Variants in SH3BP4 observed in about 807,000 individuals in gnomAD.
The protein encoded by SH3BP4 is SH3 domain binding protein 4, also known as SH3 domain-binding protein 4.
Under a neutral mutation model 65.5 loss-of-function variants are expected in SH3BP4, and 33 were observed. That is an observed-to-expected ratio of 0.50 (90% CI 0.38 to 0.67). The LOEUF (loss-of-function observed/expected upper bound fraction) is 0.67, where lower values mean the gene tolerates loss of function less well. SH3BP4 is among the 30% of genes least tolerant of loss of function. SH3BP4 has a pLI of 0.00. For synonymous variants in SH3BP4, 552 were observed against 545.5 expected, an observed-to-expected ratio of 1.01 and a Z score of -0.17; for missense variants, 1,134 against 1,261.4, an observed-to-expected ratio of 0.90 and a Z score of 1.53.
rs1282337587 is a variant in SH3BP4 at position 235,041,676 on chromosome 2, C to T, written c.907C>T (p.Leu303Phe). ...LARSCHDLDLLGQSPGWGQTQ... is the reference protein window; with the variant it reads ...LARSCHDLDLFGQSPGWGQTQ... ...CCGGTCTTGCCACGACCTGGACTTG[C>T]TTGGCCAAAGCCCTGGTTGGGGCCA... The change falls in exon 4 of 6, where the codon CTT (leucine) becomes TTT (phenylalanine). Residue 303 changes from leucine to phenylalanine, a missense_variant. Coordinates refer to ENST00000392011, the MANE Select transcript of SH3BP4 (RefSeq NM_014521.3). This position sits in a 1 kb window ranked among gnomAD's most constrained non-coding sequence, Gnocchi z 6.0. The T allele has an allele frequency of 6.2e-7, 1 of 1,613,444 alleles. No homozygotes were observed. The highest frequency in any genetic ancestry group is 8.5e-7 in the Non-Finnish European group (1 of 1,179,684).
chr2:234,988,268 C>T (rs555693923), intron 1 of SH3BP4, among the ~76,000 whole-genome samples: 15 of 152,082 alleles, frequency 9.9e-5, no homozygotes, highest in Middle Eastern at 3.2e-3. Context: ...ACCGTGTTAG[C>T]CAGGATAGTC....
At chr2:235,027,830 C>T (rs774562459) in intron 2 of SH3BP4, among the ~76,000 whole-genome samples, 7 of 152,216 alleles carry the variant, frequency 4.6e-5, no homozygotes, top group Non-Finnish European at 8.8e-5. Flanking sequence ...CTAAGACCTT[C>T]TCCGCCCCAG....
At chr2:234,969,056 T>C (rs958525168) in intron 1 of SH3BP4, among the ~76,000 whole-genome samples, 1 of 152,198 alleles carries the variant, frequency 6.6e-6, no homozygotes, top group Non-Finnish European at 1.5e-5. Flanking sequence ...GCGACTTTGC[T>C]GTTAGCTTTA....
At chr2:235,025,572 G>A (rs1184674837) in intron 2 of SH3BP4, among the ~76,000 whole-genome samples, 1 of 152,236 alleles carries the variant, frequency 6.6e-6, no homozygotes, top group Admixed American at 6.5e-5. Flanking sequence ...GTCTGTGGGA[G>A]ACAATCCAAG....
At chr2:235,016,695 G>A (rs1559245276) in intron 2 of SH3BP4, among the ~76,000 whole-genome samples, 1 of 152,126 alleles carries the variant, frequency 6.6e-6, no homozygotes. Flanking sequence ...ATTTTTATTA[G>A]AGATGGGGTT....
At chr2:235,039,187 TTCACAGGA>T (rs530790123) in intron 3 of SH3BP4, among the ~76,000 whole-genome samples, 2 of 152,124 alleles carry the variant, frequency 1.3e-5, no homozygotes, top group Non-Finnish European at 2.9e-5. Flanking sequence ...CTGCTGTAAT[TTCACAGGA>T]GGAGGTAGGT....
intron 1 of SH3BP4, among the ~76,000 whole-genome samples, chr2:234,989,435 A>T (rs1693681159): frequency 6.6e-6 from 1 of 152,118 alleles, no homozygotes; most frequent in South Asian, 2.1e-4. Flanking sequence ...TCTCTTGGCA[A>T]ACACTCCTGG....
At chr2:235,000,627 T>C (rs1694068982) in intron 2 of SH3BP4, among the ~76,000 whole-genome samples, 1 of 152,186 alleles carries the variant, frequency 6.6e-6, no homozygotes, top group African/African-American at 2.4e-5. Flanking sequence ...ATGTCCCCAT[T>C]GCGTAGAGGT....
At chr2:234,979,062 G>A (rs1693268084) in intron 1 of SH3BP4, 1 of 152,296 alleles carries the variant, frequency 6.6e-6, no homozygotes, top group Non-Finnish European at 1.5e-5. Context: ...GTTTCACAGG[G>A]TGCAGAGCCC....
intron 2 of SH3BP4, among the ~76,000 whole-genome samples, chr2:235,018,897 A>C (rs1694766517): frequency 6.6e-6 from 1 of 152,318 alleles, no homozygotes; most frequent in South Asian, 2.1e-4. Flanking sequence ...AAACAGCAAA[A>C]CCCGCTGAGC....
intron 1 of SH3BP4, among the ~76,000 whole-genome samples, chr2:234,994,071 G>T (rs183260935): frequency 1.8e-4 from 27 of 152,306 alleles, no homozygotes; most frequent in Admixed American, 5.2e-4. Flanking sequence ...TAGAAGGTCC[G>T]TGTCTACGTA....
intron 1 of SH3BP4, among the ~76,000 whole-genome samples, chr2:234,985,965 C>T (rs1693543013): frequency 1.3e-5 from 2 of 149,412 alleles, no homozygotes; most frequent in African/African-American, 2.5e-5. Flanking sequence ...CATCTATGAG[C>T]GCAGAGACCA....
At chr2:235,032,588 G>C (rs1436669040) in intron 2 of SH3BP4, among the ~76,000 whole-genome samples, 1 of 152,176 alleles carries the variant, frequency 6.6e-6, no homozygotes, top group Non-Finnish European at 1.5e-5. Context: ...GCATTTCGGG[G>C]CTGCCGGGCT....
chr2:234,991,722 C>A lies in SH3BP4; in HGVS notation c.-206-3581C>A, dbSNP rs1693754055. 6.6e-6 allele frequency among the ~76,000 whole-genome samples: 1 copy of A among 152,236 alleles called. No individual in the cohort carries two copies. The highest frequency in any genetic ancestry group is 1.5e-5 in the Non-Finnish European group (1 of 68,038). On this transcript the variant is annotated intron_variant, in intron 1 of 5. Transcript: ENST00000392011. This position sits in a 1 kb window ranked among gnomAD's most constrained non-coding sequence, Gnocchi z 4.2. ...GTCCTTGTCCAGAGGCCTTGGGCCT[C>A]TGGAGAGGTTGATCAGGAGTTGGGG...
rs1692495209 is a variant in SH3BP4 at position 234,952,495 on chromosome 2, A to T, written c.-207+325A>T. Among the ~76,000 whole-genome samples, 3 of 151,130 alleles carry T rather than the reference A, an allele frequency of 2.0e-5. No individual in the cohort carries two copies. The South Asian group carries it at 6.3e-4, about 32-fold the overall frequency. On this transcript the variant is annotated intron_variant, in intron 1 of 5. Coordinates refer to ENST00000392011, the MANE Select transcript of SH3BP4 (RefSeq NM_014521.3). The surrounding 1 kb of genome is among the most constrained non-coding windows in gnomAD (Gnocchi z 6.5). ...CCGCCCCCCAACCCCGGCTCTGGCCACTTCCCGGCGGGCGGCCCTGCGGGG... is the reference window on the plus strand; with the variant it reads ...CCGCCCCCCAACCCCGGCTCTGGCCTCTTCCCGGCGGGCGGCCCTGCGGGG...
intron 4 of SH3BP4, among the ~76,000 whole-genome samples, chr2:235,048,214 T>C (rs1300133808): frequency 1.3e-5 from 2 of 152,178 alleles, no homozygotes; most frequent in East Asian, 3.9e-4. Context: ...ATTGTCCAGA[T>C]GCCATGTGCA....
chr2:234,985,244 C>G (rs1693510819), intron 1 of SH3BP4, among the ~76,000 whole-genome samples: 1 of 152,150 alleles, frequency 6.6e-6, no homozygotes, highest in Admixed American at 6.5e-5. Context: ...GTGGCTGTCC[C>G]CTGGGAGTCA....
chr2:235,003,022 G>A (rs2106285279), intron 2 of SH3BP4, among the ~76,000 whole-genome samples: 1 of 152,372 alleles, frequency 6.6e-6, no homozygotes, highest in South Asian at 2.1e-4. Flanking sequence ...ATCTGCCCAG[G>A]CATAGATGTG....
At chr2:235,013,684 T>C (rs1055208998) in intron 2 of SH3BP4, among the ~76,000 whole-genome samples, 1 of 152,196 alleles carries the variant, frequency 6.6e-6, no homozygotes, top group Non-Finnish European at 1.5e-5. Context: ...TCCGTTCTGC[T>C]CTGTCCTTTT....
Sources: gnomAD v4.1 joint callset for allele counts (sites outside exome capture counted in the v4.1 genomes callset) on GRCh38, gnomAD v4.1.1 for gene constraint, Gnocchi (gnomAD v3.1) non-coding constraint, MANE v1.5 for transcripts, NCBI Gene and HGNC (gene_info 2026-07-23, HGNC 2026-07-21) for gene names.